Variants in TBC1D4 observed in about 807,000 individuals in gnomAD.
TBC1D4 encodes the protein TBC (Tre-2, BUB2, CDC16) domain-containing protein.
In TBC1D4, 121 loss-of-function variants were observed where a neutral mutation model predicts 142.5. That is an observed-to-expected ratio of 0.85 (90% confidence interval 0.73 to 0.99). The LOEUF (loss-of-function observed/expected upper bound fraction) is 0.99. Ranked by LOEUF, TBC1D4 falls within the 50% of genes least tolerant of loss-of-function variation. The pLI is 0.00. For missense variants in TBC1D4, 1,475 were observed against 1,606.6 expected (o/e 0.92, Z 1.40); for synonymous variants, 630 against 628.2 (o/e 1.00, Z -0.04).
At position 75,386,489 on chromosome 13, in the gene TBC1D4, C is replaced by T. The variant is rs1350672524; in HGVS notation, c.499-23882G>A. On this transcript the variant is annotated intron_variant, in intron 1 of 20. Coordinates refer to ENST00000377636, the MANE Select transcript of TBC1D4 (RefSeq NM_014832.5). The stretch of plus-strand genomic sequence containing the variant: ...CTGCAAGCTCCGCCTCTTGGGTCCA[C>T]GCCATTCTCCTGCCTCAGCCTCCTG... Among the ~76,000 whole-genome samples the T allele has an allele frequency of 4.0e-5, 6 of 150,898 alleles. No homozygotes were observed. In the South Asian group the frequency reaches 6.3e-4, roughly 16 times the overall value.
intron 1 of TBC1D4, among the ~76,000 whole-genome samples, chr13:75,371,583 AAATTT>A (rs1292992048): frequency 1.3e-5 from 2 of 152,212 alleles, no homozygotes; most frequent in East Asian, 3.9e-4. Context: ...CATCAACATA[AAATTT>A]AATTCTGGGC....
chr13:75,478,461 T>C (rs531847094), intron 1 of TBC1D4, among the ~76,000 whole-genome samples: 1 of 152,326 alleles, frequency 6.6e-6, no homozygotes, highest in African/African-American at 2.4e-5. Flanking sequence ...TCTACTGCTC[T>C]AGGCTACGTT....
intron 1 of TBC1D4, among the ~76,000 whole-genome samples, chr13:75,435,355 T>TAA (rs576899199): frequency 2.9e-5 from 4 of 138,094 alleles, no homozygotes. Context: ...TAATTACGAC[T>TAA]AAAAAAAAAA....
chr13:75,374,767 AT>A (rs150050951), intron 1 of TBC1D4, among the ~76,000 whole-genome samples: 1 of 151,262 alleles, frequency 6.6e-6, no homozygotes, highest in African/African-American at 2.4e-5. Flanking sequence ...CGCAGCCCTC[AT>A]TTTTTTTTCA....
At position 75,356,210 on chromosome 13, in the gene TBC1D4, C is replaced by T. The variant is rs1882033778; in HGVS notation, c.1212G>A (p.Glu404=). Residue 404 remains glutamate (E), a synonymous_variant, in exon 4 of 21, where the codon GAG becomes GAA. Transcript: ENST00000377636. ...ACTGGCTAAGTCCAGGCTCTGGAGA[C>T]TCCCGGCAGATAAAGCCAAAGTGAT... ...HVDHFGFICR[E]SPEPGLSQYI... is the part of the protein sequence containing the mutation. 6.2e-7 allele frequency: 1 copy of T among 1,613,822 alleles called. No homozygotes were observed. Among genetic ancestry groups the T allele is most frequent in the Admixed American group, 1.7e-5 (1 of 59,958 alleles).
At chr13:75,327,617 AAAT>A in intron 9 of TBC1D4, 132 bp downstream of exon 9, 1 of 861,786 alleles carries the variant, frequency 1.2e-6, no homozygotes, top group Non-Finnish European at 1.8e-6. Flanking sequence ...TTCTTAGTTA[AAAT>A]AATAAAGTCT....
intron 1 of TBC1D4, among the ~76,000 whole-genome samples, chr13:75,414,202 A>G (rs917796070): frequency 8.5e-5 from 13 of 152,352 alleles, no homozygotes; most frequent in African/African-American, 1.7e-4. Context: ...ACAATCTCCA[A>G]TGAGTTCTAG....
At chr13:75,414,618 C>T (rs1278907501) in intron 1 of TBC1D4, among the ~76,000 whole-genome samples, 4 of 151,514 alleles carry the variant, frequency 2.6e-5, no homozygotes, top group Non-Finnish European at 5.9e-5. Context: ...TAGGTGTGGT[C>T]TGTGTGGGTG....
At chr13:75,428,463 G>A (rs1424164548) in intron 1 of TBC1D4, among the ~76,000 whole-genome samples, 3 of 152,032 alleles carry the variant, frequency 2.0e-5, no homozygotes, top group African/African-American at 4.8e-5. Flanking sequence ...CCAGTATAAC[G>A]TTTGCTGGTG....
At chr13:75,457,859 CA>C (rs1202158667) in intron 1 of TBC1D4, among the ~76,000 whole-genome samples, 6 of 152,182 alleles carry the variant, frequency 3.9e-5, no homozygotes, top group African/African-American at 9.7e-5. Flanking sequence ...GGTCTTACAA[CA>C]GGGGTGTGAC....
At chr13:75,331,712 A>T (rs558696241) in intron 8 of TBC1D4, among the ~76,000 whole-genome samples, 1 of 152,168 alleles carries the variant, frequency 6.6e-6, no homozygotes, top group South Asian at 2.1e-4. Context: ...GTTTCTTTGC[A>T]TTTAAAAAAT....
chr13:75,427,222 G>A (rs1054814867), intron 1 of TBC1D4, among the ~76,000 whole-genome samples: 2 of 152,066 alleles, frequency 1.3e-5, no homozygotes, highest in Non-Finnish European at 2.9e-5. Flanking sequence ...CGAGTAGCTG[G>A]AGCTACAGGC....
chr13:75,378,820 A>C (rs1883661142), intron 1 of TBC1D4, among the ~76,000 whole-genome samples: 1 of 152,170 alleles, frequency 6.6e-6, no homozygotes, highest in Non-Finnish European at 1.5e-5. Context: ...TTTCAAGTTT[A>C]GAAGATTCAC....
At chr13:75,409,826 A>G (rs1885529161) in intron 1 of TBC1D4, among the ~76,000 whole-genome samples, 1 of 152,352 alleles carries the variant, frequency 6.6e-6, no homozygotes, top group Admixed American at 6.5e-5. Flanking sequence ...AGATAGCTAT[A>G]AAGGTCCCTT....
At chr13:75,390,802 G>A (rs971068875) in intron 1 of TBC1D4, among the ~76,000 whole-genome samples, 1 of 129,540 alleles carries the variant, frequency 7.7e-6, no homozygotes, top group Non-Finnish European at 1.6e-5. Context: ...CATGTTGTAT[G>A]TATAGGTATT....
chr13:75,288,261 A>G (rs1874898625), intron 20 of TBC1D4, among the ~76,000 whole-genome samples: 1 of 152,048 alleles, frequency 6.6e-6, no homozygotes, highest in African/African-American at 2.4e-5. Flanking sequence ...ATCATCCGCA[A>G]CAGATTTTCA....
chr13:75,294,853 C>A lies in TBC1D4; in HGVS notation c.3316+1G>T. 1 of 1,613,636 alleles carries A rather than the reference C, an allele frequency of 6.2e-7. No individual in the cohort carries two copies. The highest frequency in any genetic ancestry group is 1.3e-5 in the African/African-American group (1 of 74,984). The stretch of plus-strand genomic sequence containing the variant: ...TCCATTTAATTACAGGTATCTCTTA[C>A]CAAAAACTCTGGCTACAAATCCTAA... On this transcript the variant is annotated splice_donor_variant, in intron 18 of 20. Coordinates refer to ENST00000377636, the MANE Select transcript of TBC1D4 (RefSeq NM_014832.5). LOFTEE classifies it high-confidence loss of function.
intron 7 of TBC1D4, among the ~76,000 whole-genome samples, chr13:75,339,646 G>C (rs1420878700): frequency 6.6e-6 from 1 of 151,866 alleles, no homozygotes; most frequent in Non-Finnish European, 1.5e-5. Flanking sequence ...CATGATCTTG[G>C]CTCACTGCAA....
At chr13:75,413,779 T>C (rs1885789877) in intron 1 of TBC1D4, among the ~76,000 whole-genome samples, 2 of 152,170 alleles carry the variant, frequency 1.3e-5, no homozygotes, top group South Asian at 4.1e-4. Context: ...CCTCAGTGTA[T>C]AAAAACTGAT....
Sources: allele counts gnomAD v4.1 joint callset (sites outside exome capture counted in the v4.1 genomes callset), GRCh38; gene constraint gnomAD v4.1.1; transcripts MANE v1.5; gene names NCBI Gene and HGNC (gene_info 2026-07-23, HGNC 2026-07-21).